Variants in SPOCK1 observed in about 807,000 individuals in gnomAD.
SPOCK1 encodes the protein testican-1.
Under a neutral mutation model 55.3 loss-of-function variants are expected in SPOCK1, and 23 were observed. That is an observed-to-expected ratio of 0.42 (90% CI 0.30 to 0.59). The LOEUF is 0.59. Ranked by LOEUF, SPOCK1 falls within the 20% of genes least tolerant of loss-of-function variation. The pLI is 0.22. For synonymous variants in SPOCK1, 226 were observed against 221.0 expected, an observed-to-expected ratio of 1.02 and a Z score of -0.20; for missense variants, 499 against 552.5, an observed-to-expected ratio of 0.90 and a Z score of 0.97.
intron 3 of SPOCK1, among the ~76,000 whole-genome samples, chr5:137,232,673 C>A (rs1026681463): frequency 1.3e-5 from 2 of 152,136 alleles, no homozygotes; most frequent in Non-Finnish European, 2.9e-5. Context: ...AGGGCCTGTG[C>A]CTTTCCATAT....
At position 137,443,382 on chromosome 5, in the gene SPOCK1, C is replaced by T. The variant is rs542247330; in HGVS notation, c.186+54991G>A. On this transcript the variant is annotated intron_variant, in intron 2 of 10. Coordinates refer to ENST00000394945, the MANE Select transcript of SPOCK1 (RefSeq NM_004598.4). ...TGCACTCATTTCTCCTTGCCTTTTC[C>T]TTAAACACTTGTATCCCTAAACAAA... 2.6e-5 allele frequency among the ~76,000 whole-genome samples: 4 copies of T among 152,264 alleles called. No individual in the cohort carries two copies. The East Asian group carries it at 7.7e-4, about 29-fold the overall frequency.
intron 6 of SPOCK1, 66 bp downstream of exon 6, chr5:137,067,649 G>T: frequency 7.2e-7 from 1 of 1,394,584 alleles, no homozygotes; most frequent in Non-Finnish European, 1.0e-6. Flanking sequence ...ACAGAGCTCG[G>T]CCACATCAAC....
intron 4 of SPOCK1, among the ~76,000 whole-genome samples, chr5:137,131,079 G>A (rs1259959095): frequency 6.6e-6 from 1 of 152,170 alleles, no homozygotes; most frequent in Non-Finnish European, 1.5e-5. Flanking sequence ...CGCCCCCGAT[G>A]GGCCCTACTA....
At chr5:137,114,131 G>T (rs1265411948) in intron 4 of SPOCK1, among the ~76,000 whole-genome samples, 1 of 152,208 alleles carries the variant, frequency 6.6e-6, no homozygotes. Context: ...GGGGCCCTCA[G>T]AGATCCTAGG....
intron 3 of SPOCK1, among the ~76,000 whole-genome samples, chr5:137,181,715 T>C (rs1465368890): frequency 1.3e-5 from 2 of 152,250 alleles, no homozygotes; most frequent in Non-Finnish European, 2.9e-5. Context: ...CTTACTGCTG[T>C]GTAAACTCCC....
At chr5:137,133,828 C>T (rs1753928655) in intron 4 of SPOCK1, among the ~76,000 whole-genome samples, 1 of 152,082 alleles carries the variant, frequency 6.6e-6, no homozygotes, top group Middle Eastern at 3.4e-3. Flanking sequence ...TTGCTTTGGG[C>T]ACAGAAAGAA....
chr5:137,032,014 A>T (rs1751790401), intron 6 of SPOCK1, among the ~76,000 whole-genome samples: 4 of 147,890 alleles, frequency 2.7e-5, no homozygotes, highest in Non-Finnish European at 6.0e-5. Flanking sequence ...AATAAAAAGA[A>T]ATATATATAT....
intron 3 of SPOCK1, among the ~76,000 whole-genome samples, chr5:137,182,500 A>G (rs1754989499): frequency 6.6e-6 from 1 of 152,200 alleles, no homozygotes; most frequent in South Asian, 2.1e-4. Context: ...TCCCTTCTTT[A>G]CAATGAGGGA....
At chr5:137,284,932 C>T (rs2916652) in intron 2 of SPOCK1, among the ~76,000 whole-genome samples, 146,831 of 152,300 alleles carry the variant, frequency 0.96, 70,822 homozygotes, top group African/African-American at 0.99. Flanking sequence ...AGATGGGCAG[C>T]GGGCAGAGGA....
At chr5:137,308,833 T>C (rs1232121757) in intron 2 of SPOCK1, among the ~76,000 whole-genome samples, 1 of 152,114 alleles carries the variant, frequency 6.6e-6, no homozygotes, top group Non-Finnish European at 1.5e-5. Flanking sequence ...ATGATACATA[T>C]CTAAACATAC....
At position 137,427,999 on chromosome 5, in the gene SPOCK1, G is replaced by A. The variant is rs144136056; in HGVS notation, c.186+70374C>T. Among the ~76,000 whole-genome samples the A allele has an allele frequency of 3.7e-3, 558 of 151,370 alleles. 5 individuals carry two copies. Among genetic ancestry groups the A allele is most frequent in the African/African-American group, 0.013 (537 of 41,202 alleles). ...TCCTGTTTCCATGCTCAAAGGTACTGCTGTGCCAGGAGTAAGCTCCCTTTA... is the reference window on the plus strand; with the variant it reads ...TCCTGTTTCCATGCTCAAAGGTACTACTGTGCCAGGAGTAAGCTCCCTTTA... On this transcript the variant is annotated intron_variant, in intron 2 of 10. Transcript: ENST00000394945.
rs527362281 is a variant in SPOCK1, at chr5:137,452,243, T to C, written c.186+46130A>G. ...CGTGGTATATAACTTCACCATCACA[T>C]GCCGTGTGTTTTGTATCAAAATGAT... is the stretch of plus-strand genomic sequence containing the variant. On this transcript the variant is annotated intron_variant, in intron 2 of 10. Transcript: ENST00000394945. Among the ~76,000 whole-genome samples, 3 of 152,354 alleles carry C rather than the reference T, an allele frequency of 2.0e-5. No homozygotes were observed. In the South Asian group the frequency reaches 6.2e-4, roughly 32 times the overall value.
rs143847979 is a variant in SPOCK1 at position 136,998,980 on chromosome 5, G to A, written c.590-6380C>T. Among the ~76,000 whole-genome samples the A allele has an allele frequency of 1.1e-3, 168 of 152,284 alleles. 1 individual carries two copies. The highest frequency in any genetic ancestry group is 3.9e-3 in the African/African-American group (160 of 41,556). On this transcript the variant is annotated intron_variant, in intron 6 of 10. Transcript: ENST00000394945. ...CAAAGAGCAAGTGTAAATAAGGCAC[G>A]TTCAGTCTCCATGGAAAGTACATAG...
At chr5:137,413,650 T>G (rs1283598989) in intron 2 of SPOCK1, among the ~76,000 whole-genome samples, 1 of 152,170 alleles carries the variant, frequency 6.6e-6, no homozygotes, top group Non-Finnish European at 1.5e-5. Flanking sequence ...CTGGCTTCTC[T>G]GAAGGCACGA....
chr5:137,289,367 C>T lies in SPOCK1; in HGVS notation c.187-22312G>A, dbSNP rs114468499. On this transcript the variant is annotated intron_variant, in intron 2 of 10. Transcript: ENST00000394945. The stretch of plus-strand genomic sequence containing the variant: ...TGGCTTGTTGCTTTTCTTTAAAACA[C>T]GGCACATTCTGGTTCCATGGTCTAA... Among the ~76,000 whole-genome samples, 702 of 152,182 alleles carry T rather than the reference C, an allele frequency of 4.6e-3. 3 individuals carry two copies. Among genetic ancestry groups the T allele is most frequent in the African/African-American group, 0.015 (630 of 41,528 alleles).
chr5:137,347,837 C>T (rs1750593696), intron 2 of SPOCK1, among the ~76,000 whole-genome samples: 1 of 152,134 alleles, frequency 6.6e-6, no homozygotes, highest in African/African-American at 2.4e-5. Flanking sequence ...CGTGATGGCT[C>T]CTCTTAGAAT....
intron 5 of SPOCK1, among the ~76,000 whole-genome samples, chr5:137,078,375 G>A (rs1247318949): frequency 2.0e-5 from 3 of 152,162 alleles, no homozygotes; most frequent in Non-Finnish European, 4.4e-5. Context: ...TCCTCTCCAT[G>A]CTGCCTGTTC....
chr5:137,148,962 C>T (rs778856729), intron 3 of SPOCK1, among the ~76,000 whole-genome samples: 1 of 151,942 alleles, frequency 6.6e-6, no homozygotes, highest in Non-Finnish European at 1.5e-5. Context: ...TTCATGTTAC[C>T]CAGAAGACCT....
intron 2 of SPOCK1, among the ~76,000 whole-genome samples, chr5:137,303,969 C>T (rs1757652734): frequency 6.6e-6 from 1 of 152,122 alleles, no homozygotes; most frequent in Non-Finnish European, 1.5e-5. Flanking sequence ...CTCAGTGTTG[C>T]AGAGAAGAAA....
Sources: gnomAD v4.1 joint callset for allele counts (sites outside exome capture counted in the v4.1 genomes callset) on GRCh38, gnomAD v4.1.1 for gene constraint, MANE v1.5 for transcripts, NCBI Gene and HGNC (gene_info 2026-07-23, HGNC 2026-07-21) for gene names.